Variants in KIAA1210 observed in about 807,000 individuals in gnomAD.
KIAA1210 encodes the protein acrosomal protein KIAA1210.
A neutral mutation model predicts 78.9 loss-of-function variants in KIAA1210; 48 were observed. The observed-to-expected ratio is 0.61, with a 90% CI of 0.48 to 0.77. The LOEUF (loss-of-function observed/expected upper bound fraction) is 0.77. KIAA1210 is among the 30% of genes least tolerant of loss of function. KIAA1210 has a pLI of 0.00. For synonymous variants in KIAA1210, 406 were observed against 404.5 expected (o/e 1.00, Z -0.04); for missense variants, 1,108 against 1,100.0 (o/e 1.01, Z -0.10).
At chrX:119,130,346 C>A (rs1453177994), upstream of KIAA1210, among the ~76,000 whole-genome samples, 1 of 112,507 alleles carries the variant, frequency 8.9e-6, no homozygotes, top group African/African-American at 3.2e-5. Flanking sequence ...GGAACATCGT[C>A]TCTCTAATTC....
chrX:119,119,464 T>TA (rs1458405669), intron 2 of KIAA1210, among the ~76,000 whole-genome samples: 3 of 112,226 alleles, frequency 2.7e-5, no homozygotes, highest in Admixed American at 9.4e-5. Flanking sequence ...AGAGAAAGAA[T>TA]AAAAAATGAA....
chrX:119,081,161 G>C lies in KIAA1210; in HGVS notation c.*168C>G. On this transcript the variant is annotated 3_prime_UTR_variant, in exon 12 of 12. Coordinates refer to ENST00000691062, the MANE Select transcript of KIAA1210 (RefSeq NM_001394962.1). The stretch of plus-strand genomic sequence containing the variant: ...GGGCGCCTGTAGTCCCAGCTAGTCG[G>C]GAGACTGAGGCGGGAGAGTGGCGTG... The C allele has an allele frequency of 2.9e-6, 1 of 347,607 alleles. No homozygotes were observed. The highest frequency in any genetic ancestry group is 4.7e-6 in the Non-Finnish European group (1 of 210,649). The allele number at this position is 347,607 out of a possible 1,213,427, so 28.6% of individuals were successfully genotyped here.
Position 119,109,855 on chromosome X carries a change from T to C in KIAA1210, c.231-653A>G, listed in dbSNP as rs952672746. The stretch of plus-strand genomic sequence containing the variant: ...CTATCCTATTTTCAAAGTCATCCTA[T>C]GTACCACCTGCACCTCCCTTCCCCA... On this transcript the variant is annotated intron_variant, in intron 3 of 11. Coordinates refer to ENST00000691062, the MANE Select transcript of KIAA1210 (RefSeq NM_001394962.1). 2.7e-5 allele frequency among the ~76,000 whole-genome samples: 3 copies of C among 111,894 alleles called. No homozygotes were observed. In the Admixed American group the frequency reaches 2.9e-4, roughly 11 times the overall value.
upstream of KIAA1210, chrX:119,150,605 C>G (rs757625838): frequency 8.5e-7 from 1 of 1,177,808 alleles, no homozygotes; most frequent in African/African-American, 1.8e-5. Context: ...TGACCTGTCT[C>G]TGTGTCCCCC....
At chrX:119,081,623 T>A in intron 11 of KIAA1210, 119 bp from the exon 12 acceptor site, 1 of 683,044 alleles carries the variant, frequency 1.5e-6, no homozygotes, top group Admixed American at 3.6e-5. Context: ...CCCCCTGCTC[T>A]AGTGCTTTCT....
chrX:119,130,523 T>C (rs1928764816), upstream of KIAA1210, among the ~76,000 whole-genome samples: 1 of 112,835 alleles, frequency 8.9e-6, no homozygotes, highest in Admixed American at 9.3e-5. Context: ...CCTAGCACAA[T>C]ACCAGGCACG....
intron 2 of KIAA1210, among the ~76,000 whole-genome samples, chrX:119,138,211 G>T (rs80291246): frequency 1.7e-4 from 8 of 47,839 alleles, no homozygotes; most frequent in Admixed American, 3.3e-4. Context: ...TGGTTTGGTT[G>T]TTTTTTTTTT....
intron 7 of KIAA1210, among the ~76,000 whole-genome samples, chrX:119,095,260 A>G (rs1927514540): frequency 8.9e-6 from 1 of 112,560 alleles, no homozygotes; most frequent in Non-Finnish European, 1.9e-5. Flanking sequence ...GTACTATACA[A>G]TCTTTTAGTC....
At chrX:119,130,768 G>A (rs139055510), upstream of KIAA1210, among the ~76,000 whole-genome samples, 21 of 112,246 alleles carry the variant, frequency 1.9e-4, no homozygotes, top group African/African-American at 5.2e-4. Context: ...AGAGGCTTTC[G>A]GAACCACTTC....
chrX:119,096,347 A>G, intron 7 of KIAA1210, 147 bp downstream of exon 7: 1 of 465,344 alleles, frequency 2.1e-6, no homozygotes, highest in Non-Finnish European at 3.4e-6. Context: ...GGGGGTGTCA[A>G]GCTTAGGACA....
At chrX:119,139,678 A>G (rs1217738018) in intron 2 of KIAA1210, among the ~76,000 whole-genome samples, 2 of 111,969 alleles carry the variant, frequency 1.8e-5, no homozygotes, top group Non-Finnish European at 3.8e-5. Flanking sequence ...CAATATATCC[A>G]TGTAACACAA....
At position 119,093,775 on chromosome X, in the gene KIAA1210, C is replaced by T. The variant is rs1927464288; in HGVS notation, c.847G>A (p.Val283Met). The part of the protein sequence containing the change: ...RKQKKNLQVI[V>M]EPKEEEPNLP... ...TTTGGCTCCTCCTCCTTTGGTTCCA[C>T]CTGAAACAGGAAAAGAAAGAGCTTG... Residue 283 changes from valine (V) to methionine (M), a missense_variant and splice_region_variant, in exon 8 of 12, where the codon GTG (valine) becomes ATG (methionine). By Grantham distance (21) the Val-to-Met change is conservative (BLOSUM62 1). Coordinates refer to ENST00000691062, the MANE Select transcript of KIAA1210 (RefSeq NM_001394962.1). The T allele has an allele frequency of 2.5e-6, 3 of 1,190,850 alleles. No individual in the cohort carries two copies. The highest frequency in any genetic ancestry group is 1.8e-5 in the South Asian group (1 of 54,780).
At chrX:119,127,051 G>A (rs1025435791) in intron 1 of KIAA1210, among the ~76,000 whole-genome samples, 4 of 97,962 alleles carry the variant, frequency 4.1e-5, no homozygotes, top group African/African-American at 1.5e-4. Flanking sequence ...TCCAGCCAGG[G>A]TGACAGGGTG....
intron 5 of KIAA1210, among the ~76,000 whole-genome samples, chrX:119,105,367 C>A (rs1927862445): frequency 8.9e-6 from 1 of 112,179 alleles, no homozygotes; most frequent in Admixed American, 9.4e-5. Context: ...GATTTCCCCT[C>A]TGGGGTGCTG....
In KIAA1210 at chrX:119,087,480, G is replaced by T; in HGVS notation, c.3222C>A (p.Gly1074=). ...TCATAGGTAGCATCTTTGAAGAAAT[G>T]CCTCCCTTAGGATTAGCACTCCCTG... is the stretch of plus-strand genomic sequence containing the variant. ...SDSGSANPKG[G]ISSKMLPMKH... is the part of the protein sequence containing the mutation. Residue 1074 remains glycine, a synonymous_variant, in exon 9 of 12, where the codon GGC becomes GGA. Transcript: ENST00000691062. The T allele has an allele frequency of 8.3e-7, 1 of 1,209,686 alleles. No individual in the cohort carries two copies. Among genetic ancestry groups the T allele is most frequent in the Non-Finnish European group, 1.1e-6 (1 of 894,607 alleles).
chrX:119,118,875 T>C (rs1928357336), intron 2 of KIAA1210, among the ~76,000 whole-genome samples: 1 of 112,554 alleles, frequency 8.9e-6, no homozygotes, highest in African/African-American at 3.2e-5. Context: ...AAAGAAGTTA[T>C]AGCTCCCTAT....
chrX:119,134,935 G>A (rs1426788569), intron 2 of KIAA1210, among the ~76,000 whole-genome samples: 1 of 112,680 alleles, frequency 8.9e-6, no homozygotes, highest in Non-Finnish European at 1.9e-5. Flanking sequence ...TGAAATTGCT[G>A]AGTCCTCAGT....
At chrX:119,111,210 A>G (rs1049495636) in intron 3 of KIAA1210, among the ~76,000 whole-genome samples, 1 of 111,875 alleles carries the variant, frequency 8.9e-6, no homozygotes, top group Non-Finnish European at 1.9e-5. Context: ...TCTTCAACAT[A>G]TGGTGCTGGA....
intron 11 of KIAA1210, among the ~76,000 whole-genome samples, chrX:119,081,864 TTCTAAAATTTCAGA>T (rs1375226459): frequency 8.9e-6 from 1 of 112,700 alleles, no homozygotes; most frequent in Non-Finnish European, 1.9e-5. Flanking sequence ...TCTACTTAGT[TTCTAAAATTTCAGA>T]TAAGGTAATG....
Sources: allele counts gnomAD v4.1 joint callset (sites outside exome capture counted in the v4.1 genomes callset), GRCh38; gene constraint gnomAD v4.1.1; transcripts MANE v1.5; gene names NCBI Gene and HGNC (gene_info 2026-07-23, HGNC 2026-07-21).